GABRP: variants seen among roughly 807,000 people sequenced by gnomAD.
The protein encoded by GABRP is gamma-aminobutyric acid type A receptor subunit pi.
Under a neutral mutation model 47.8 loss-of-function variants are expected in GABRP, and 52 were observed. The observed-to-expected ratio is 1.09, with a 90% confidence interval of 0.87 to 1.37. The LOEUF (loss-of-function observed/expected upper bound fraction) is 1.37. Among genes scored for constraint, GABRP ranks in the 40% most tolerant of loss-of-function variants. The pLI, the probability that GABRP is intolerant of heterozygous loss-of-function variation, is 0.00. For missense variants in GABRP, 525 were observed against 542.8 expected, an observed-to-expected ratio of 0.97 and a Z score of 0.33; for synonymous variants, 221 against 205.8, an observed-to-expected ratio of 1.07 and a Z score of -0.63.
chr5:170,799,802 A>G (rs1765539921), intron 6 of GABRP, among the ~76,000 whole-genome samples: 1 of 152,078 alleles, frequency 6.6e-6, no homozygotes, highest in Non-Finnish European at 1.5e-5. Context: ...CCCATTTGTC[A>G]ATTTTGGCTT....
intron 6 of GABRP, among the ~76,000 whole-genome samples, chr5:170,798,556 A>T (rs1467769997): frequency 1.3e-5 from 2 of 152,170 alleles, no homozygotes; most frequent in African/African-American, 2.4e-5. Flanking sequence ...CTATCTGATT[A>T]CTAACTCTCA....
chr5:170,790,181 G>C (rs947607967), intron 3 of GABRP, among the ~76,000 whole-genome samples: 4 of 152,192 alleles, frequency 2.6e-5, no homozygotes, highest in Admixed American at 2.6e-4. Flanking sequence ...AGGAGGGAGG[G>C]AGTGAGGCCA....
chr5:170,805,955 A>G, intron 7 of GABRP, 102 bp downstream of exon 7: 1 of 1,318,400 alleles, frequency 7.6e-7, no homozygotes, highest in Admixed American at 1.9e-5. Context: ...CCTCCTTGGG[A>G]TGCAGTGGAG....
chr5:170,805,917 GA>G, intron 7 of GABRP, 64 bp downstream of exon 7: 1 of 1,563,162 alleles, frequency 6.4e-7, no homozygotes, highest in Non-Finnish European at 8.7e-7. Context: ...GTTGCTCTCT[GA>G]GTCAGAAATA....
chr5:170,808,614 T>C lies in GABRP; in HGVS notation c.694T>C (p.Leu232=), dbSNP rs145982566. ...SQQETGNYTR[L]VLQFELRRNV... ...TACCCTTTCAGGAAATTACACTAGATTGGTCTTACAGTTTGAGCTTCGGAG... is the reference window on the plus strand; with the variant it reads ...TACCCTTTCAGGAAATTACACTAGACTGGTCTTACAGTTTGAGCTTCGGAG... The change falls in exon 8 of 10, where the codon TTG becomes CTG. Residue 232 remains leucine (L), a synonymous_variant. Coordinates refer to ENST00000265294, the MANE Select transcript of GABRP (RefSeq NM_014211.3). The C allele has an allele frequency of 2.5e-5, 41 of 1,613,822 alleles. No homozygotes were observed. The highest frequency in any genetic ancestry group is 3.4e-5 in the Non-Finnish European group (40 of 1,179,898).
intron 8 of GABRP, among the ~76,000 whole-genome samples, chr5:170,809,207 G>A (rs1765818296): frequency 6.6e-6 from 1 of 152,176 alleles, no homozygotes; most frequent in African/African-American, 2.4e-5. Flanking sequence ...AAAGTGCTGG[G>A]ATTACAGGTG....
rs969823339 is a variant in GABRP, at chr5:170,799,075, C to T, written c.541+1527C>T. On this transcript the variant is annotated intron_variant, in intron 6 of 9. Coordinates refer to ENST00000265294, the MANE Select transcript of GABRP (RefSeq NM_014211.3). ...GATAGTTTGCTGAGAATGATGGTTTCCAGCTTCATCCATGTCTCTACAAAG... is the reference window on the plus strand; with the variant it reads ...GATAGTTTGCTGAGAATGATGGTTTTCAGCTTCATCCATGTCTCTACAAAG... 4.0e-5 allele frequency among the ~76,000 whole-genome samples: 6 copies of T among 151,772 alleles called. No homozygotes were observed. The East Asian group carries it at 7.8e-4, about 20-fold the overall frequency.
At chr5:170,801,668 T>C (rs139600714) in intron 6 of GABRP, among the ~76,000 whole-genome samples, 1 of 152,326 alleles carries the variant, frequency 6.6e-6, no homozygotes, top group East Asian at 1.9e-4. Flanking sequence ...CATCTGTCTA[T>C]CCTCATTTAA....
chr5:170,805,988 A>G, intron 7 of GABRP, 135 bp downstream of exon 7: 1 of 936,198 alleles, frequency 1.1e-6, no homozygotes, highest in South Asian at 1.7e-5. Context: ...GTTTGTGCTG[A>G]GCAATTCCAC....
In GABRP at chr5:170,809,636, T is replaced by C. The variant is rs1471896995; in HGVS notation, c.901T>C (p.Cys301Arg). ...CCGCACTTCTCTTCCCAACACCAAC[T>C]GCTTCATCAAGGCCATCGATGTGTA... Reference protein sequence around the residue: ...GSRTSLPNTNCFIKAIDVYLG... With the variant: ...GSRTSLPNTNRFIKAIDVYLG... The change falls in exon 9 of 10, where the codon TGC becomes CGC. Residue 301 changes from cysteine (C) to arginine (R), a missense_variant. Cys to Arg is a radical substitution (Grantham distance 180, BLOSUM62 -3). Coordinates refer to ENST00000265294, the MANE Select transcript of GABRP (RefSeq NM_014211.3). 1.9e-6 allele frequency: 3 copies of C among 1,614,094 alleles called. No homozygotes were observed. In the African/African-American group the frequency reaches 4.0e-5, roughly 22 times the overall value.
chr5:170,812,133 G>A lies in GABRP; in HGVS notation c.1198G>A (p.Gly400Ser), dbSNP rs1765906815. Residue 400 changes from glycine to serine, a missense_variant, in exon 10 of 10, where the codon GGC becomes AGC. Physicochemically the swap from Gly to Ser is moderately conservative, Grantham distance 56. Transcript: ENST00000265294. ...KFKFVFREKM[G>S]RIVDYFTIQN... ...CAAGTTTGTCTTCCGAGAAAAGATGGGCAGGATTGTTGATTATTTCACAAT... is the reference window on the plus strand; with the variant it reads ...CAAGTTTGTCTTCCGAGAAAAGATGAGCAGGATTGTTGATTATTTCACAAT... 1 of 1,614,060 alleles carries A rather than the reference G, an allele frequency of 6.2e-7. No homozygotes were observed. Among genetic ancestry groups the A allele is most frequent in the African/African-American group, 1.3e-5 (1 of 75,006 alleles).
At chr5:170,799,719 C>T (rs1178682303) in intron 6 of GABRP, among the ~76,000 whole-genome samples, 1 of 152,110 alleles carries the variant, frequency 6.6e-6, no homozygotes, top group African/African-American at 2.4e-5. Flanking sequence ...AATTTTCCCC[C>T]ATTCTGTAGG....
At chr5:170,801,768 C>T (rs1476663065) in intron 6 of GABRP, among the ~76,000 whole-genome samples, 2 of 152,080 alleles carry the variant, frequency 1.3e-5, no homozygotes, top group South Asian at 2.1e-4. Flanking sequence ...AAAAGTAATG[C>T]TGCAGTCTTC....
intron 6 of GABRP, among the ~76,000 whole-genome samples, chr5:170,799,780 G>A (rs1159245348): frequency 6.6e-6 from 1 of 152,110 alleles, no homozygotes; most frequent in African/African-American, 2.4e-5. Flanking sequence ...AAGCTCTTTA[G>A]TTTAATTAGA....
chr5:170,795,324 T>C lies in GABRP; in HGVS notation c.357T>C (p.Asp119=), dbSNP rs780404391. 19 of 1,613,894 alleles carry C rather than the reference T, an allele frequency of 1.2e-5. No individual in the cohort carries two copies. The highest frequency in any genetic ancestry group is 1.7e-5 in the Admixed American group (1 of 59,998). Residue 119 remains aspartate, a synonymous_variant, in exon 5 of 10, where the codon GAT becomes GAC. Transcript: ENST00000265294. ...ARLVEFLWVP[D]TYIVESKKSF... is the part of the protein sequence containing the mutation. Reference sequence around the variant, plus strand: ...TCGTGGAGTTCCTCTGGGTGCCAGATACTTACATTGTGGAGTCCAAGAAGT... The same window carrying C: ...TCGTGGAGTTCCTCTGGGTGCCAGACACTTACATTGTGGAGTCCAAGAAGT...
At chr5:170,789,387 T>C (rs1765207057) in intron 3 of GABRP, 140 bp downstream of exon 3, 3 of 606,728 alleles carry the variant, frequency 4.9e-6, no homozygotes, top group African/African-American at 1.9e-5. Context: ...TGGATGAGGA[T>C]GGCTACCAAT....
chr5:170,806,033 G>A (rs867138983), intron 7 of GABRP, among the ~76,000 whole-genome samples, 180 bp downstream of exon 7: 5 of 152,162 alleles, frequency 3.3e-5, no homozygotes, highest in African/African-American at 9.7e-5. Flanking sequence ...GGTCCACTGA[G>A]GAACAGACCT....
In GABRP at chr5:170,789,264, G is replaced by A. The variant is rs1345723696; in HGVS notation, c.172+17G>A. The A allele has an allele frequency of 1.3e-6, 2 of 1,512,974 alleles. No homozygotes were observed. Among genetic ancestry groups the A allele is most frequent in the Non-Finnish European group, 1.8e-6 (2 of 1,089,946 alleles). The allele number at this position is 1,512,974 out of a possible 1,614,324, so 93.7% of individuals were successfully genotyped here. A position where few individuals can be genotyped will look rare whatever the true frequency, so the allele number is the denominator to read the frequency against. ...ATTTTGGTGGTAGGTCATCCTCTGTGTCCAGGACATCATTCAAAGGGACGA... is the reference window on the plus strand; with the variant it reads ...ATTTTGGTGGTAGGTCATCCTCTGTATCCAGGACATCATTCAAAGGGACGA... On this transcript the variant is annotated intron_variant, in intron 3 of 9. Coordinates refer to ENST00000265294, the MANE Select transcript of GABRP (RefSeq NM_014211.3).
At chr5:170,789,319 C>G (rs891212770) in intron 3 of GABRP, 72 bp downstream of exon 3, 1 of 974,098 alleles carries the variant, frequency 1.0e-6, no homozygotes, top group Admixed American at 2.2e-5. Flanking sequence ...TGGAGGGTTT[C>G]GGGAGGTTTT....
Sources: allele counts gnomAD v4.1 joint callset (sites outside exome capture counted in the v4.1 genomes callset), GRCh38; gene constraint gnomAD v4.1.1; transcripts MANE v1.5; gene names NCBI Gene and HGNC (gene_info 2026-07-23, HGNC 2026-07-21).